CHSY3: variants seen among roughly 807,000 people sequenced by gnomAD.
CHSY3 encodes the protein chondroitin sulfate synthase 3.
In CHSY3, 35 loss-of-function variants were observed where a neutral mutation model predicts 67.2. The observed-to-expected ratio is 0.52, with a 90% CI of 0.40 to 0.69. The LOEUF is 0.69. CHSY3 is among the 30% of genes least tolerant of loss of function. CHSY3 has a pLI of 0.00. For synonymous variants in CHSY3, 474 were observed against 434.7 expected, an observed-to-expected ratio of 1.09 and a Z score of -1.12; for missense variants, 1,069 against 1,138.5, an observed-to-expected ratio of 0.94 and a Z score of 0.88.
chr5:129,964,174 A>G (rs978319804), intron 2 of CHSY3, among the ~76,000 whole-genome samples: 2 of 151,854 alleles, frequency 1.3e-5, no homozygotes, highest in South Asian at 4.1e-4. Flanking sequence ...TTGTTTTTAG[A>G]GAAGAAACTC....
intron 2 of CHSY3, among the ~76,000 whole-genome samples, chr5:130,020,131 C>A (rs1378096204): frequency 6.6e-6 from 1 of 151,862 alleles, no homozygotes; most frequent in Non-Finnish European, 1.5e-5. Context: ...AAATTTTTTT[C>A]TCTGGGCCAG....
chr5:129,909,883 G>T (rs1051844801), intron 2 of CHSY3, among the ~76,000 whole-genome samples: 2 of 151,746 alleles, frequency 1.3e-5, no homozygotes, highest in African/African-American at 4.8e-5. Context: ...CAATATAGAT[G>T]GGAAATTATT....
intron 2 of CHSY3, among the ~76,000 whole-genome samples, chr5:130,130,103 T>C (rs972821516): frequency 1.3e-5 from 2 of 152,172 alleles, no homozygotes; most frequent in Non-Finnish European, 2.9e-5. Flanking sequence ...CTGTTTATTC[T>C]ATTAGGATGT....
At chr5:129,935,052 G>C (rs965276058) in intron 2 of CHSY3, among the ~76,000 whole-genome samples, 1 of 152,126 alleles carries the variant, frequency 6.6e-6, no homozygotes, top group South Asian at 2.1e-4. Context: ...GACATTTCTC[G>C]TAAAGATAAA....
At chr5:130,091,304 T>C (rs1415743670) in intron 2 of CHSY3, among the ~76,000 whole-genome samples, 1 of 152,214 alleles carries the variant, frequency 6.6e-6, no homozygotes, top group Non-Finnish European at 1.5e-5. Context: ...TGCAGTGTTA[T>C]TCAGCGATGG....
intron 2 of CHSY3, among the ~76,000 whole-genome samples, chr5:130,123,795 C>T (rs1768140600): frequency 6.6e-6 from 1 of 152,006 alleles, no homozygotes; most frequent in Admixed American, 6.5e-5. Flanking sequence ...TAGTGGCTCA[C>T]CCCTATAATC....
intron 2 of CHSY3, among the ~76,000 whole-genome samples, chr5:130,056,510 A>C (rs1247739001): frequency 6.6e-6 from 1 of 152,210 alleles, no homozygotes; most frequent in Non-Finnish European, 1.5e-5. Context: ...ATCTTCACTG[A>C]TCTTAGAAAA....
At chr5:130,127,317 C>T (rs139680426) in intron 2 of CHSY3, among the ~76,000 whole-genome samples, 75 of 152,214 alleles carry the variant, frequency 4.9e-4, no homozygotes, top group African/African-American at 1.5e-3. Context: ...AGACACTTCC[C>T]CACATTATTT....
In CHSY3 at chr5:129,933,064, G is replaced by A. The variant is rs567904668; in HGVS notation, c.1086+24704G>A. ...ACAGATCTAAAAAATGCTTTATGTA[G>A]CATAGAGTGATACAAATATATAAAG... On this transcript the variant is annotated intron_variant, in intron 2 of 2. Coordinates refer to ENST00000305031, the MANE Select transcript of CHSY3 (RefSeq NM_175856.5). Among the ~76,000 whole-genome samples, 21 of 152,226 alleles carry A rather than the reference G, an allele frequency of 1.4e-4. 1 individual carries two copies. The East Asian group carries it at 3.9e-3, about 28-fold the overall frequency.
chr5:130,165,591 A>G (rs139927184), intron 2 of CHSY3, among the ~76,000 whole-genome samples: 4,005 of 152,072 alleles, frequency 0.026, 165 homozygotes, highest in African/African-American at 0.09. Flanking sequence ...ATTTACCTAC[A>G]TTCTTTTCCC....
chr5:130,087,255 A>G (rs1244589249), intron 2 of CHSY3, among the ~76,000 whole-genome samples: 1 of 152,162 alleles, frequency 6.6e-6, no homozygotes, highest in Non-Finnish European at 1.5e-5. Flanking sequence ...ACCCACAGCC[A>G]ATATCATACT....
chr5:130,112,214 C>T (rs1038229077), intron 2 of CHSY3, among the ~76,000 whole-genome samples: 1 of 152,092 alleles, frequency 6.6e-6, no homozygotes, highest in Non-Finnish European at 1.5e-5. Flanking sequence ...ATATGGATAT[C>T]ATAGATCATG....
At chr5:130,125,815 T>C (rs1768262919) in intron 2 of CHSY3, among the ~76,000 whole-genome samples, 1 of 152,202 alleles carries the variant, frequency 6.6e-6, no homozygotes, top group Admixed American at 6.5e-5. Flanking sequence ...TAAGATTTCC[T>C]TGGATAACAA....
At chr5:130,106,798 A>G (rs918990770) in intron 2 of CHSY3, among the ~76,000 whole-genome samples, 3 of 151,624 alleles carry the variant, frequency 2.0e-5, no homozygotes, top group Non-Finnish European at 4.4e-5. Context: ...TATTGTATTT[A>G]TTACTTGCAT....
chr5:130,024,137 CAA>C (rs5871376), intron 2 of CHSY3, among the ~76,000 whole-genome samples: 10 of 109,976 alleles, frequency 9.1e-5, no homozygotes, highest in Non-Finnish European at 1.1e-4. Context: ...GATTGATGGT[CAA>C]AAAAAAAAAA....
chr5:130,132,232 T>C (rs59495207), intron 2 of CHSY3, among the ~76,000 whole-genome samples: 2 of 152,104 alleles, frequency 1.3e-5, no homozygotes, highest in African/African-American at 4.8e-5. Flanking sequence ...GTGAATCAGC[T>C]TTCCACTTTC....
chr5:130,095,251 G>A (rs1050720446), intron 2 of CHSY3, among the ~76,000 whole-genome samples: 6 of 152,198 alleles, frequency 3.9e-5, no homozygotes, highest in Admixed American at 3.9e-4. Context: ...AGCATGTTCA[G>A]TGCTTATAGC....
In CHSY3 at chr5:130,000,267, G is replaced by A. The variant is rs1391721871; in HGVS notation, c.1086+91907G>A. On this transcript the variant is annotated intron_variant, in intron 2 of 2. Transcript: ENST00000305031. ...GGATTTTAGTGTAACGTTTTGAAAG[G>A]CTGCACTATAAAAATAACACTTTGT... 2.0e-5 allele frequency among the ~76,000 whole-genome samples: 3 copies of A among 152,160 alleles called. No individual in the cohort carries two copies. In the East Asian group the frequency reaches 5.8e-4, roughly 29 times the overall value.
At chr5:129,991,652 G>C (rs540477219) in intron 2 of CHSY3, among the ~76,000 whole-genome samples, 1 of 152,190 alleles carries the variant, frequency 6.6e-6, no homozygotes, top group East Asian at 1.9e-4. Context: ...AATTCTATAA[G>C]TAATGTAACT....
Sources: gnomAD v4.1 joint callset for allele counts (sites outside exome capture counted in the v4.1 genomes callset) on GRCh38, gnomAD v4.1.1 for gene constraint, MANE v1.5 for transcripts, NCBI Gene and HGNC (gene_info 2026-07-23, HGNC 2026-07-21) for gene names.